The following ASAP1 variants were observed in gnomAD, a reference collection of about 807,000 sequenced individuals.
ASAP1 encodes arf-GAP with SH3 domain, ANK repeat and PH domain-containing protein 1.
In ASAP1, 43 loss-of-function variants were observed where a neutral mutation model predicts 145.2. The ratio of observed to expected loss-of-function variants is 0.30; its 90% CI spans 0.23 to 0.38. ASAP1 has a LOEUF of 0.38. Among genes scored for constraint, ASAP1 ranks in the 10% least tolerant of loss-of-function variants. The pLI, the probability that ASAP1 is intolerant of heterozygous loss-of-function variation, is 1.00. For missense variants in ASAP1, 1,018 were observed against 1,355.3 expected (o/e 0.75, Z 3.91); for synonymous variants, 546 against 515.5 (o/e 1.06, Z -0.80).
chr8:130,180,195 T>C (rs1372079187), intron 8 of ASAP1, among the ~76,000 whole-genome samples: 2 of 152,106 alleles, frequency 1.3e-5, no homozygotes, highest in Admixed American at 6.5e-5. Flanking sequence ...CTTTAATATT[T>C]TCTGAAAACT....
At chr8:130,111,972 G>A (rs188143632) in intron 24 of ASAP1, 122 bp downstream of exon 24, 14 of 945,396 alleles carry the variant, frequency 1.5e-5, no homozygotes, top group African/African-American at 3.3e-5. Flanking sequence ...CTGACAACAC[G>A]ATCCGCGCCA....
chr8:130,291,145 A>T (rs1172432316), intron 3 of ASAP1, among the ~76,000 whole-genome samples: 1 of 152,170 alleles, frequency 6.6e-6, no homozygotes, highest in Non-Finnish European at 1.5e-5. Flanking sequence ...CCAGCCAAAA[A>T]ATGAAGAAAA....
chr8:130,230,004 G>A (rs1297246230), intron 4 of ASAP1, among the ~76,000 whole-genome samples: 2 of 152,082 alleles, frequency 1.3e-5, no homozygotes, highest in Non-Finnish European at 2.9e-5. Context: ...GGTCAAGGAT[G>A]CCGTGAGTGA....
intron 3 of ASAP1, among the ~76,000 whole-genome samples, chr8:130,335,408 C>T (rs1350628593): frequency 1.3e-5 from 2 of 152,124 alleles, no homozygotes; most frequent in African/African-American, 2.4e-5. Context: ...AGTAAACTGA[C>T]AAATAGTGAG....
intron 3 of ASAP1, among the ~76,000 whole-genome samples, chr8:130,247,972 C>A (rs576233531): frequency 2.0e-5 from 3 of 152,158 alleles, no homozygotes; most frequent in Non-Finnish European, 2.9e-5. Context: ...TGGAGATGCA[C>A]AGGCTTGTGA....
At chr8:130,417,216 A>G (rs1158093283) in intron 1 of ASAP1, among the ~76,000 whole-genome samples, 1 of 151,862 alleles carries the variant, frequency 6.6e-6, no homozygotes, top group African/African-American at 2.4e-5. Flanking sequence ...AAAACAACCC[A>G]CGTACAACTG....
At chr8:130,413,096 A>G (rs571925732) in intron 1 of ASAP1, among the ~76,000 whole-genome samples, 1 of 152,366 alleles carries the variant, frequency 6.6e-6, no homozygotes, top group African/African-American at 2.4e-5. Context: ...ACTGAGGCAA[A>G]TACAGGATGA....
intron 3 of ASAP1, among the ~76,000 whole-genome samples, chr8:130,288,463 T>G (rs576682739): frequency 6.6e-6 from 1 of 152,332 alleles, no homozygotes; most frequent in Non-Finnish European, 1.5e-5. Context: ...GGAGGCGCAG[T>G]GTCCTACCTG....
chr8:130,201,219 C>T (rs533200609), intron 5 of ASAP1, among the ~76,000 whole-genome samples: 3 of 152,204 alleles, frequency 2.0e-5, no homozygotes, highest in Non-Finnish European at 4.4e-5. Flanking sequence ...GAAAGACTTA[C>T]AGCCAGAGAG....
At chr8:130,384,874 G>A (rs1285055608) in intron 2 of ASAP1, among the ~76,000 whole-genome samples, 1 of 152,174 alleles carries the variant, frequency 6.6e-6, no homozygotes. Context: ...ATGCACTGTG[G>A]TGAGCAAGGC....
At chr8:130,153,289 A>T (rs539238031) in intron 12 of ASAP1, among the ~76,000 whole-genome samples, 1 of 147,364 alleles carries the variant, frequency 6.8e-6, no homozygotes, top group South Asian at 2.1e-4. Flanking sequence ...AAGTGCTGAG[A>T]TTACAGGTGT....
intron 3 of ASAP1, among the ~76,000 whole-genome samples, chr8:130,244,979 T>C (rs1818760331): frequency 6.6e-6 from 1 of 151,972 alleles, no homozygotes; most frequent in South Asian, 2.1e-4. Context: ...GGAGTTGAGG[T>C]GTGGAGTGCT....
intron 3 of ASAP1, among the ~76,000 whole-genome samples, chr8:130,265,418 A>T (rs777078518): frequency 1.9e-4 from 29 of 151,624 alleles, no homozygotes; most frequent in Non-Finnish European, 3.5e-4. Context: ...TAAAATTTTT[A>T]AAAAAGTAAC....
Position 130,068,445 on chromosome 8 carries a change from C to G in ASAP1, c.2702-7376G>C, listed in dbSNP as rs114983816. 1.4e-3 allele frequency among the ~76,000 whole-genome samples: 215 copies of G among 152,266 alleles called. 1 individual carries two copies. The highest frequency in any genetic ancestry group is 4.6e-3 in the African/African-American group (193 of 41,538). On this transcript the variant is annotated intron_variant, in intron 27 of 29. Transcript: ENST00000518721. ...ACTATGGAAACTAGAGGGTATAGTG[C>G]GAAAGAACTGTTTCATTCTGTAGAT...
rs138429030 is a variant in ASAP1, at chr8:130,082,325, AGCTGTGATG to A, written c.2573-2363_2573-2355del. 6.2e-3 allele frequency among the ~76,000 whole-genome samples: 947 copies of A among 152,160 alleles called. 9 individuals are homozygous for A. Among genetic ancestry groups the A allele is most frequent in the African/African-American group, 0.022 (902 of 41,502 alleles). On this transcript the variant is annotated intron_variant, in intron 25 of 29. Coordinates refer to ENST00000518721, the MANE Select transcript of ASAP1 (RefSeq NM_018482.4). ...CTTTGGTAACTCATAAAATCCTCAG[AGCTGTGATG>A]TTCTTCAAGGTAGGGCATTTATTTT...
At chr8:130,343,814 A>G (rs1825538228) in intron 3 of ASAP1, among the ~76,000 whole-genome samples, 1 of 152,238 alleles carries the variant, frequency 6.6e-6, no homozygotes, top group Non-Finnish European at 1.5e-5. Flanking sequence ...TAATACAATG[A>G]CATGCCTTTT....
chr8:130,271,022 C>T (rs1281435215), intron 3 of ASAP1, among the ~76,000 whole-genome samples: 2 of 152,182 alleles, frequency 1.3e-5, no homozygotes, highest in Non-Finnish European at 1.5e-5. Context: ...AGGATCACAC[C>T]GTCCTGAAAC....
chr8:130,351,282 G>T (rs1242795776), intron 3 of ASAP1, among the ~76,000 whole-genome samples: 2 of 152,194 alleles, frequency 1.3e-5, no homozygotes, highest in African/African-American at 4.8e-5. Flanking sequence ...TGCATTCAGA[G>T]CCCAAGTCTA....
At chr8:130,313,564 C>T (rs1282017846) in intron 3 of ASAP1, among the ~76,000 whole-genome samples, 2 of 152,176 alleles carry the variant, frequency 1.3e-5, no homozygotes, top group Non-Finnish European at 2.9e-5. Context: ...TATTGCCCAA[C>T]TAGGGGAGCT....
Sources: allele counts gnomAD v4.1 joint callset (sites outside exome capture counted in the v4.1 genomes callset), GRCh38; gene constraint gnomAD v4.1.1; transcripts MANE v1.5; gene names NCBI Gene and HGNC (gene_info 2026-07-23, HGNC 2026-07-21).